The following PTPRM variants were observed in gnomAD, a reference collection of about 807,000 sequenced individuals.
The protein encoded by PTPRM is protein tyrosine phosphatase receptor type M, also known as receptor-type tyrosine-protein phosphatase mu.
Under a neutral mutation model 186.7 loss-of-function variants are expected in PTPRM, and 47 were observed. The ratio of observed to expected loss-of-function variants is 0.25; its 90% CI spans 0.20 to 0.32. PTPRM has a LOEUF of 0.32. Ranked by LOEUF, PTPRM falls within the 10% of genes least tolerant of loss-of-function variation. The probability of loss-of-function intolerance (pLI) is 1.00; values close to 1 mark genes in which losing one functional copy is unlikely to be tolerated. For synonymous variants in PTPRM, 668 were observed against 674.9 expected, an observed-to-expected ratio of 0.99 and a Z score of 0.16; for missense variants, 1,494 against 1,865.0, an observed-to-expected ratio of 0.80 and a Z score of 3.66.
At chr18:8,327,689 C>G (rs758115549) in intron 22 of PTPRM, among the ~76,000 whole-genome samples, 4 of 152,176 alleles carry the variant, frequency 2.6e-5, no homozygotes, top group African/African-American at 7.2e-5. Flanking sequence ...GCATTATCTC[C>G]AACATCTCTG....
At chr18:7,873,413 C>T (rs943338562) in intron 2 of PTPRM, among the ~76,000 whole-genome samples, 4 of 152,180 alleles carry the variant, frequency 2.6e-5, no homozygotes, top group African/African-American at 9.7e-5. Flanking sequence ...ATCTGACTGA[C>T]TGGATTACAA....
intron 1 of PTPRM, among the ~76,000 whole-genome samples, chr18:7,706,805 A>G (rs567895757): frequency 1.3e-5 from 2 of 152,198 alleles, no homozygotes; most frequent in South Asian, 4.1e-4. Context: ...TAAATATACT[A>G]TAAATATTGA....
chr18:8,354,086 G>GCA, intron 23 of PTPRM, among the ~76,000 whole-genome samples: 1 of 152,010 alleles, frequency 6.6e-6, no homozygotes, highest in South Asian at 2.1e-4. Flanking sequence ...GGTGGCGGGT[G>GCA]CCTGTAATCC....
chr18:8,090,171 G>A (rs763373143), intron 11 of PTPRM, among the ~76,000 whole-genome samples: 7 of 152,162 alleles, frequency 4.6e-5, no homozygotes, highest in Admixed American at 6.5e-5. Flanking sequence ...CCCAAGGCAC[G>A]CATTAGATGC....
At chr18:7,684,429 A>C (rs1329100316) in intron 1 of PTPRM, among the ~76,000 whole-genome samples, 1 of 152,190 alleles carries the variant, frequency 6.6e-6, no homozygotes, top group Non-Finnish European at 1.5e-5. Flanking sequence ...ATTATGGTAC[A>C]ATATAGTACA....
At chr18:7,980,003 C>A (rs2082459609) in intron 7 of PTPRM, among the ~76,000 whole-genome samples, 1 of 152,202 alleles carries the variant, frequency 6.6e-6, no homozygotes, top group South Asian at 2.1e-4. Context: ...CCTGGACACC[C>A]CACATGGATT....
chr18:7,883,641 A>G (rs2048617892), intron 2 of PTPRM, among the ~76,000 whole-genome samples: 2 of 152,230 alleles, frequency 1.3e-5, no homozygotes, highest in African/African-American at 4.8e-5. Context: ...TAAAGCTGTG[A>G]GTTAAGTCCT....
At chr18:8,286,186 C>G (rs2094955224) in intron 19 of PTPRM, among the ~76,000 whole-genome samples, 1 of 152,178 alleles carries the variant, frequency 6.6e-6, no homozygotes, top group East Asian at 1.9e-4. Flanking sequence ...TCACTTGCCT[C>G]TAGGGATTCT....
chr18:8,344,215 A>G (rs557202327), intron 23 of PTPRM, among the ~76,000 whole-genome samples: 2 of 152,230 alleles, frequency 1.3e-5, no homozygotes, highest in African/African-American at 2.4e-5. Context: ...AGTTGGCATC[A>G]TGAGATTTGC....
At chr18:7,837,572 A>C (rs1429509593) in intron 2 of PTPRM, among the ~76,000 whole-genome samples, 2 of 152,032 alleles carry the variant, frequency 1.3e-5, no homozygotes, top group Non-Finnish European at 1.5e-5. Context: ...CTCTTGCCTC[A>C]GCCTCCTGAG....
chr18:8,159,341 T>C (rs1388370532), intron 14 of PTPRM, among the ~76,000 whole-genome samples: 2 of 152,228 alleles, frequency 1.3e-5, no homozygotes, highest in Non-Finnish European at 2.9e-5. Context: ...ATCATTGTTA[T>C]ATTCATATGT....
rs727952 is a variant in PTPRM, at chr18:7,840,954, A to G, written c.197-47152A>G. 4.3e-3 allele frequency among the ~76,000 whole-genome samples: 650 copies of G among 152,310 alleles called. 20 individuals are homozygous for G. In the East Asian group the frequency reaches 0.064, roughly 15 times the overall value. ...GTGTGTTCCAAATTGACCTGAGATG[A>G]AAGGACAAGATGTAATTTGTAAAGT... On this transcript the variant is annotated intron_variant, in intron 2 of 32. Coordinates refer to ENST00000580170, the MANE Select transcript of PTPRM (RefSeq NM_001105244.2).
rs545184765 is a variant in PTPRM at position 7,578,636 on chromosome 18, A to ATT, written c.73+10760_73+10761dup. ...AGGCGTGAGCCACAGCGCCTGGCCA[A>ATT]TTTTTTTTTTTTTTTTAAGAGACAG... On this transcript the variant is annotated intron_variant, in intron 1 of 32. Coordinates refer to ENST00000580170, the MANE Select transcript of PTPRM (RefSeq NM_001105244.2). Among the ~76,000 whole-genome samples, 76 of 136,520 alleles carry ATT rather than the reference A, an allele frequency of 5.6e-4. No individual in the cohort carries two copies. In the South Asian group the frequency reaches 6.0e-3, roughly 11 times the overall value. The allele number at this position is 136,520 out of a possible 152,430, so 89.6% of individuals were successfully genotyped here. A position where few individuals can be genotyped will look rare whatever the true frequency, so the allele number is the denominator to read the frequency against.
chr18:8,402,206 C>T (rs1014263808), intron 32 of PTPRM, among the ~76,000 whole-genome samples: 11 of 152,168 alleles, frequency 7.2e-5, no homozygotes, highest in African/African-American at 2.7e-4. Context: ...TACCCAGGTG[C>T]TTGGGGGAGG....
intron 17 of PTPRM, 78 bp from the exon 18 acceptor site, chr18:8,252,410 T>C (rs911191682): frequency 8.8e-7 from 1 of 1,141,572 alleles, no homozygotes. Flanking sequence ...TACCTGTAAT[T>C]ATGCACGCAG....
chr18:7,700,993 A>AAAAAAAAAAAAAAG (rs10653685), intron 1 of PTPRM, among the ~76,000 whole-genome samples: 24 of 107,334 alleles, frequency 2.2e-4, no homozygotes, highest in East Asian at 4.3e-4. Flanking sequence ...AAAAAAAAAA[A>AAAAAAAAAAAAAAG]AAAGAAAGAA....
At chr18:7,769,037 A>G (rs982499741) in intron 1 of PTPRM, among the ~76,000 whole-genome samples, 3 of 152,130 alleles carry the variant, frequency 2.0e-5, no homozygotes, top group Non-Finnish European at 2.9e-5. Flanking sequence ...GTGTGGTCAC[A>G]TACTGTCATA....
At chr18:7,983,582 C>G (rs762119928) in intron 7 of PTPRM, among the ~76,000 whole-genome samples, 78 of 152,064 alleles carry the variant, frequency 5.1e-4, no homozygotes, top group Non-Finnish European at 1.0e-3. Context: ...CTAAATCTTA[C>G]CTTTTTTTCT....
At chr18:8,274,322 T>C (rs1381665990) in intron 19 of PTPRM, among the ~76,000 whole-genome samples, 1 of 152,232 alleles carries the variant, frequency 6.6e-6, no homozygotes, top group Admixed American at 6.5e-5. Flanking sequence ...AATTTTTAAA[T>C]TTATGTGTTT....
Sources: allele counts gnomAD v4.1 joint callset (sites outside exome capture counted in the v4.1 genomes callset), GRCh38; gene constraint gnomAD v4.1.1; transcripts MANE v1.5; gene names NCBI Gene and HGNC (gene_info 2026-07-23, HGNC 2026-07-21).